The following LNPK variants were observed in gnomAD, a reference collection of about 807,000 sequenced individuals.
The protein encoded by LNPK is lunapark, ER junction formation factor.
In LNPK, 29 loss-of-function variants were observed where a neutral mutation model predicts 55.2. The ratio of observed to expected loss-of-function variants is 0.53; its 90% confidence interval spans 0.39 to 0.72. The LOEUF (loss-of-function observed/expected upper bound fraction) is 0.72. Ranked by LOEUF, LNPK falls within the 30% of genes least tolerant of loss-of-function variation. The pLI, the probability that LNPK is intolerant of heterozygous loss-of-function variation, is 0.00. For missense variants in LNPK, 467 were observed against 494.8 expected, an observed-to-expected ratio of 0.94 and a Z score of 0.53; for synonymous variants, 162 against 168.2, an observed-to-expected ratio of 0.96 and a Z score of 0.29.
At chr2:175,960,604 G>T (rs1036537992) in intron 8 of LNPK, among the ~76,000 whole-genome samples, 7 of 152,200 alleles carry the variant, frequency 4.6e-5, no homozygotes, top group Non-Finnish European at 1.0e-4. Flanking sequence ...ACAAGAGAAA[G>T]CAGGGAAGAT....
chr2:176,001,917 G>A (rs530322538), intron 1 of LNPK, among the ~76,000 whole-genome samples: 5 of 152,316 alleles, frequency 3.3e-5, no homozygotes, highest in African/African-American at 1.2e-4. Context: ...AGGGTTTCAA[G>A]ACTCCAGCGC....
rs56037027 is a variant in LNPK, at chr2:175,951,584, C to CATATATATATATATATATAT, written c.494-3912_494-3893dup. Among the ~76,000 whole-genome samples, 305 of 90,530 alleles carry CATATATATATATATATATAT rather than the reference C, an allele frequency of 3.4e-3. 6 individuals carry two copies. The highest frequency in any genetic ancestry group is 0.011 in the Admixed American group (98 of 8,888). 59.4% of individuals were successfully genotyped at this position (90,530 alleles called of 152,430 possible). The stretch of plus-strand genomic sequence containing the variant: ...TATGGCTGAGTAGTATTCCATCATT[C>CATATATATATATATATATAT]ATATATATATATATATATATATATA... On this transcript the variant is annotated intron_variant, in intron 8 of 12. Coordinates refer to ENST00000272748, the MANE Select transcript of LNPK (RefSeq NM_030650.3).
chr2:175,954,978 G>T (rs1243365757), intron 8 of LNPK, among the ~76,000 whole-genome samples: 1 of 152,198 alleles, frequency 6.6e-6, no homozygotes, highest in Non-Finnish European at 1.5e-5. Flanking sequence ...ATAGAGTGAA[G>T]TGAGGACTTC....
At chr2:175,961,771 T>C (rs1212475361) in intron 8 of LNPK, among the ~76,000 whole-genome samples, 4 of 152,210 alleles carry the variant, frequency 2.6e-5, no homozygotes, top group South Asian at 2.1e-4. Context: ...TTGTCCCTTT[T>C]TGCAGATGAC....
chr2:175,970,989 T>C (rs1297270514), intron 5 of LNPK, among the ~76,000 whole-genome samples, 185 bp from the exon 6 acceptor site: 1 of 152,110 alleles, frequency 6.6e-6, no homozygotes, highest in Non-Finnish European at 1.5e-5. Context: ...TTTGCCTGTA[T>C]TATATATTAT....
chr2:175,961,977 C>T (rs1686054659), intron 8 of LNPK, among the ~76,000 whole-genome samples: 1 of 152,110 alleles, frequency 6.6e-6, no homozygotes, highest in African/African-American at 2.4e-5. Flanking sequence ...AATAAAATAC[C>T]TAGGAATCCA....
intron 12 of LNPK, among the ~76,000 whole-genome samples, chr2:175,934,632 T>C (rs1477035011): frequency 6.6e-6 from 1 of 151,994 alleles, no homozygotes; most frequent in East Asian, 1.9e-4. Flanking sequence ...TCACATACCA[T>C]AAAAAGAATG....
chr2:175,951,124 C>T (rs189392217), intron 8 of LNPK, among the ~76,000 whole-genome samples: 1 of 152,128 alleles, frequency 6.6e-6, no homozygotes, highest in Non-Finnish European at 1.5e-5. Context: ...TTTTATGCTG[C>T]TAGAAGGTTT....
chr2:175,971,025 T>A (rs969308730), intron 5 of LNPK, among the ~76,000 whole-genome samples: 1 of 152,132 alleles, frequency 6.6e-6, no homozygotes, highest in African/African-American at 2.4e-5. Context: ...AAAATTGACT[T>A]TACATAGTAT....
At chr2:175,954,086 A>G (rs1214034804) in intron 8 of LNPK, among the ~76,000 whole-genome samples, 4 of 152,144 alleles carry the variant, frequency 2.6e-5, no homozygotes, top group Non-Finnish European at 5.9e-5. Context: ...ATTATTATTA[A>G]AAGTTATAAT....
chr2:175,967,705 T>C, intron 6 of LNPK: 27 of 977,292 alleles, frequency 2.8e-5, no homozygotes, highest in Non-Finnish European at 3.3e-5. Flanking sequence ...GATGATGCTT[T>C]TACTAATTCA....
At chr2:175,948,932 T>C (rs891559859) in intron 8 of LNPK, among the ~76,000 whole-genome samples, 1 of 152,144 alleles carries the variant, frequency 6.6e-6, no homozygotes, top group Non-Finnish European at 1.5e-5. Context: ...TTAACTTTGA[T>C]AAACCTGTTA....
intron 12 of LNPK, among the ~76,000 whole-genome samples, chr2:175,933,085 C>CA (rs889508022): frequency 1.3e-5 from 2 of 152,140 alleles, no homozygotes; most frequent in Non-Finnish European, 2.9e-5. Flanking sequence ...TGCCATAAAA[C>CA]AAAAAATGAT....
At chr2:175,937,841 A>G (rs1477534775) in intron 11 of LNPK, 1 of 192,844 alleles carries the variant, frequency 5.2e-6, no homozygotes, top group African/African-American at 2.3e-5. Context: ...ATTTCTAGTA[A>G]CCAGAATCAT....
intron 9 of LNPK, among the ~76,000 whole-genome samples, chr2:175,946,261 G>A (rs1197152154): frequency 2.6e-5 from 4 of 151,714 alleles, no homozygotes; most frequent in Non-Finnish European, 5.9e-5. Context: ...CCATACATTC[G>A]CACCCAAAAA....
At chr2:175,982,667 T>A (rs915593655) in intron 4 of LNPK, among the ~76,000 whole-genome samples, 2 of 152,186 alleles carry the variant, frequency 1.3e-5, no homozygotes, top group African/African-American at 2.4e-5. Context: ...AGCACTGGGA[T>A]TACAGGCATA....
intron 12 of LNPK, among the ~76,000 whole-genome samples, chr2:175,936,893 T>A (rs1684570018): frequency 6.6e-6 from 1 of 152,216 alleles, no homozygotes; most frequent in African/African-American, 2.4e-5. Flanking sequence ...GATAACTTTA[T>A]AATTCCAAAG....
chr2:176,000,392 G>A (rs1156410590), intron 1 of LNPK, among the ~76,000 whole-genome samples: 2 of 152,170 alleles, frequency 1.3e-5, no homozygotes, highest in East Asian at 3.8e-4. Context: ...ATTTGGCACA[G>A]TGTCCGACAC....
chr2:175,983,452 T>C (rs1340806369), intron 4 of LNPK, among the ~76,000 whole-genome samples: 2 of 152,086 alleles, frequency 1.3e-5, no homozygotes, highest in Non-Finnish European at 2.9e-5. Flanking sequence ...GACCTATAAA[T>C]AACTGACCCA....
Sources: gnomAD v4.1 joint callset for allele counts (sites outside exome capture counted in the v4.1 genomes callset) on GRCh38, gnomAD v4.1.1 for gene constraint, MANE v1.5 for transcripts, NCBI Gene and HGNC (gene_info 2026-07-23, HGNC 2026-07-21) for gene names.